The following SPSB4 variants were observed in gnomAD, a reference collection of about 807,000 sequenced individuals.
SPSB4 encodes splA/ryanodine receptor domain and SOCS box containing 4.
Under a neutral mutation model 20.9 loss-of-function variants are expected in SPSB4, and 21 were observed. The ratio of observed to expected loss-of-function variants is 1.01; its 90% CI spans 0.71 to 1.45. The LOEUF is 1.45. SPSB4 is among the 40% of genes most tolerant of loss of function. The probability of loss-of-function intolerance (pLI) is 0.00; values close to 1 mark genes in which losing one functional copy is unlikely to be tolerated. For synonymous variants in SPSB4, 207 were observed against 183.8 expected, an observed-to-expected ratio of 1.13 and a Z score of -1.02; for missense variants, 399 against 399.2, an observed-to-expected ratio of 1.00 and a Z score of 0.00.
At chr3:141,085,263 G>T (rs577874484) in intron 2 of SPSB4, among the ~76,000 whole-genome samples, 2 of 152,180 alleles carry the variant, frequency 1.3e-5, no homozygotes, top group Non-Finnish European at 2.9e-5. Flanking sequence ...GTGAGAATTA[G>T]ATCTGCTTGT....
intron 2 of SPSB4, among the ~76,000 whole-genome samples, chr3:141,143,282 G>A (rs1347726629): frequency 6.6e-6 from 1 of 152,208 alleles, no homozygotes; most frequent in Non-Finnish European, 1.5e-5. Context: ...CTTGAAGACA[G>A]CAGATACTTG....
intron 2 of SPSB4, among the ~76,000 whole-genome samples, chr3:141,124,343 C>A (rs1348302654): frequency 2.0e-5 from 3 of 152,142 alleles, no homozygotes; most frequent in African/African-American, 7.2e-5. Context: ...GGCAGGGAGA[C>A]CATATTTCCC....
intron 2 of SPSB4, among the ~76,000 whole-genome samples, chr3:141,120,471 A>T (rs1460173366): frequency 6.6e-6 from 1 of 152,060 alleles, no homozygotes; most frequent in Non-Finnish European, 1.5e-5. Context: ...ATCCTTGTTA[A>T]CCTTCTGTCT....
At chr3:141,060,196 T>C (rs1430738253) in intron 1 of SPSB4, among the ~76,000 whole-genome samples, 1 of 152,152 alleles carries the variant, frequency 6.6e-6, no homozygotes, top group Non-Finnish European at 1.5e-5. Flanking sequence ...GGGCCCTCAA[T>C]GACCCAGTAT....
At position 141,066,555 on chromosome 3, in the gene SPSB4, C is replaced by G; in HGVS notation, c.451C>G (p.His151Asp). ...GGACCTGGGCCGCAGCCGCCTCTAC[C>G]ACGACGGCAAGAACCAGCCCGGCGT... ...GWDLGRSRLY[H>D]DGKNQPGVAY... Residue 151 changes from histidine (H) to aspartate (D), a missense_variant, in exon 2 of 3, where the codon CAC becomes GAC. Physicochemically the swap from His to Asp is moderately conservative, Grantham distance 81 (BLOSUM62 -1). Transcript: ENST00000310546. 1 of 1,531,378 alleles carries G rather than the reference C, an allele frequency of 6.5e-7. No homozygotes were observed. The highest frequency in any genetic ancestry group is 8.8e-7 in the Non-Finnish European group (1 of 1,138,442). The allele number at this position is 1,531,378 out of a possible 1,614,324, so 94.9% of individuals were successfully genotyped here. A position where few individuals can be genotyped will look rare whatever the true frequency, so the allele number is the denominator to read the frequency against.
intron 2 of SPSB4, among the ~76,000 whole-genome samples, chr3:141,120,541 A>T (rs1167634839): frequency 6.6e-6 from 1 of 152,116 alleles, no homozygotes; most frequent in African/African-American, 2.4e-5. Flanking sequence ...ATTGTGTGGG[A>T]GTCTAAGTCT....
intron 2 of SPSB4, among the ~76,000 whole-genome samples, chr3:141,089,740 T>C (rs1246008424): frequency 2.0e-5 from 3 of 152,192 alleles, no homozygotes; most frequent in Non-Finnish European, 4.4e-5. Context: ...TCTTACCTTA[T>C]TCTTTGGGGA....
chr3:141,076,216 G>T (rs6775066), intron 2 of SPSB4, among the ~76,000 whole-genome samples: 21,610 of 152,190 alleles, frequency 0.14, 4,950 homozygotes, highest in African/African-American at 0.49. Flanking sequence ...CCTGGCTGAC[G>T]CCAGGCCAGT....
At chr3:141,136,881 T>A (rs1368978199) in intron 2 of SPSB4, among the ~76,000 whole-genome samples, 1 of 152,186 alleles carries the variant, frequency 6.6e-6, no homozygotes. Context: ...GTGAAGAAAG[T>A]CATTGGTAGC....
chr3:141,127,143 G>A (rs372742020), intron 2 of SPSB4, among the ~76,000 whole-genome samples: 1 of 152,264 alleles, frequency 6.6e-6, no homozygotes, highest in African/African-American at 2.4e-5. Context: ...ACAGCTGGGA[G>A]GGGGTCAATA....
chr3:141,107,221 G>A (rs1230207319), intron 2 of SPSB4, among the ~76,000 whole-genome samples: 1 of 152,222 alleles, frequency 6.6e-6, no homozygotes, highest in Non-Finnish European at 1.5e-5. Context: ...ACGGATGCTG[G>A]AGGCAAAACC....
chr3:141,097,500 C>T (rs1240041988), intron 2 of SPSB4, among the ~76,000 whole-genome samples: 1 of 152,168 alleles, frequency 6.6e-6, no homozygotes, highest in Non-Finnish European at 1.5e-5. Context: ...TCAGGTGATC[C>T]ACCCGCCTCA....
chr3:141,123,876 C>T (rs1026352805), intron 2 of SPSB4, among the ~76,000 whole-genome samples: 1 of 152,236 alleles, frequency 6.6e-6, no homozygotes, highest in African/African-American at 2.4e-5. Context: ...GCATGTCCAA[C>T]CATTGTGCAG....
chr3:141,118,316 C>T, intron 2 of SPSB4, among the ~76,000 whole-genome samples: 1 of 152,058 alleles, frequency 6.6e-6, no homozygotes, highest in East Asian at 1.9e-4. Flanking sequence ...CTCTTTATAG[C>T]CTTTGCCTAA....
intron 2 of SPSB4, among the ~76,000 whole-genome samples, chr3:141,117,367 C>T (rs147623098): frequency 6.6e-6 from 1 of 152,292 alleles, no homozygotes; most frequent in East Asian, 1.9e-4. Context: ...TTTGCCCAAC[C>T]ACGCTAAGTT....
chr3:141,100,407 A>T (rs534980166), intron 2 of SPSB4, among the ~76,000 whole-genome samples: 1 of 152,340 alleles, frequency 6.6e-6, no homozygotes, highest in Non-Finnish European at 1.5e-5. Flanking sequence ...CCCTGTGAGC[A>T]TGAATGCAGA....
At chr3:141,123,095 C>G (rs1938995181) in intron 2 of SPSB4, among the ~76,000 whole-genome samples, 1 of 152,214 alleles carries the variant, frequency 6.6e-6, no homozygotes, top group Non-Finnish European at 1.5e-5. Context: ...TAAATCCTCT[C>G]TCTCTTTTTG....
intron 2 of SPSB4, 53 bp downstream of exon 2, chr3:141,066,851 G>C (rs886628752): frequency 6.8e-7 from 1 of 1,478,302 alleles, no homozygotes; most frequent in African/African-American, 1.4e-5. Flanking sequence ...CAGGCCCTAG[G>C]GAAGCTGGGC....
At chr3:141,116,781 T>C (rs1285458327) in intron 2 of SPSB4, among the ~76,000 whole-genome samples, 1 of 152,248 alleles carries the variant, frequency 6.6e-6, no homozygotes, top group African/African-American at 2.4e-5. Flanking sequence ...GTTACTATTA[T>C]TATTGCCAAA....
Sources: gnomAD v4.1 joint callset for allele counts (sites outside exome capture counted in the v4.1 genomes callset) on GRCh38, gnomAD v4.1.1 for gene constraint, MANE v1.5 for transcripts, NCBI Gene and HGNC (gene_info 2026-07-23, HGNC 2026-07-21) for gene names.